PTPRU: variants seen among roughly 807,000 people sequenced by gnomAD.
PTPRU encodes the protein receptor-type tyrosine-protein phosphatase U.
PTPRU carries 69 observed loss-of-function variants against 166.3 expected under a neutral mutation model. The observed-to-expected ratio is 0.41, with a 90% CI of 0.34 to 0.51. The LOEUF (loss-of-function observed/expected upper bound fraction) is 0.51, where lower values mean the gene tolerates loss of function less well. Ranked by LOEUF, PTPRU falls within the 20% of genes least tolerant of loss-of-function variation. PTPRU has a pLI of 0.09. For synonymous variants in PTPRU, 793 were observed against 814.0 expected (o/e 0.97, Z 0.44); for missense variants, 1,657 against 2,013.7 (o/e 0.82, Z 3.39).
chr1:29,282,381 C>T (rs1246232933), intron 11 of PTPRU, among the ~76,000 whole-genome samples: 2 of 152,184 alleles, frequency 1.3e-5, no homozygotes, highest in African/African-American at 2.4e-5. Flanking sequence ...GCAGGGTCCA[C>T]GATCCTCTTA....
intron 12 of PTPRU, 41 bp downstream of exon 12, chr1:29,282,990 T>C: frequency 6.3e-7 from 1 of 1,599,560 alleles, no homozygotes; most frequent in Non-Finnish European, 8.5e-7. Flanking sequence ...TGGTTGGGTG[T>C]GGGGGGATGG....
chr1:29,263,159 A>G (rs1444892786), intron 7 of PTPRU, among the ~76,000 whole-genome samples: 1 of 151,924 alleles, frequency 6.6e-6, no homozygotes, highest in Non-Finnish European at 1.5e-5. Context: ...TAATTTTCGT[A>G]TTTTTAGTAG....
rs557988451 is a variant in PTPRU at position 29,259,314 on chromosome 1, T to A, written c.531T>A (p.Asp177Glu). Residue 177 changes from aspartate to glutamate, a missense_variant, in exon 4 of 30, where the codon GAT becomes GAA. By Grantham distance (45) the Asp-to-Glu change is conservative. This residue lies in a region of PTPRU where 453 missense variants were observed against 496.9 expected (regional missense o/e 0.91). Coordinates refer to ENST00000373779, the MANE Select transcript of PTPRU (RefSeq NM_133178.4). ...SPDRRGYMGL[D>E]DILLLSYPCA... ...ACCGCAGGGGCTACATGGGCCTAGA[T>A]GACATCCTGCTTCTCAGCTACCCCT... 1 of 1,614,094 alleles carries A rather than the reference T, an allele frequency of 6.2e-7. No homozygotes were observed. Among genetic ancestry groups the A allele is most frequent in the Non-Finnish European group, 8.5e-7 (1 of 1,179,990 alleles).
rs1413074566 is a variant in PTPRU at position 29,236,552 on chromosome 1, CGGCTCGGGCTCCGGCTCGCCTCGGGCTG to C, written c.-78_-51del. 1.4e-5 allele frequency: 14 copies of C among 1,003,990 alleles called. No individual in the cohort carries two copies. The highest frequency in any genetic ancestry group is 3.5e-5 in the African/African-American group (2 of 57,942). 62.2% of individuals were successfully genotyped at this position (1,003,990 alleles called of 1,614,324 possible). A position where few individuals can be genotyped will look rare whatever the true frequency, so the allele number is the denominator to read the frequency against. ...CGCTCCGCGCCGCGCCGCTCCGCTCCGGCTCGGGCTCCGGCTCGCCTCGGGCTGGGCTCGGGCTCCGGGGGCGGCGTCC... is the reference window on the plus strand; with the variant it reads ...CGCTCCGCGCCGCGCCGCTCCGCTCCGGCTCGGGCTCCGGGGGCGGCGTCC... On this transcript the variant is annotated 5_prime_UTR_variant, in exon 1 of 30. Transcript: ENST00000373779. This position sits in a 1 kb window ranked among gnomAD's most constrained non-coding sequence, Gnocchi z 4.6.
In PTPRU at chr1:29,239,870, A is replaced by G. The variant is rs558487182; in HGVS notation, c.73+3153A>G. Among the ~76,000 whole-genome samples the G allele has an allele frequency of 6.0e-4, 91 of 152,178 alleles. 1 individual carries two copies. The highest frequency in any genetic ancestry group is 2.1e-3 in the African/African-American group (86 of 41,510). On this transcript the variant is annotated intron_variant, in intron 1 of 29. Transcript: ENST00000373779. ...GGTGCCAGGGATCTTTGTAAAGTAC[A>G]TTTTAACTCAAAGGGTTTAAAACCC... is the stretch of plus-strand genomic sequence containing the variant.
chr1:29,241,580 TTTC>T (rs369661546), intron 1 of PTPRU, among the ~76,000 whole-genome samples: 14,661 of 148,958 alleles, frequency 0.098, 904 homozygotes, highest in African/African-American at 0.18. Flanking sequence ...ATTTTTTTTT[TTTC>T]TTCTTCTTCT....
At chr1:29,259,169 CAG>C in intron 3 of PTPRU, 90 bp from the exon 4 acceptor site, 2 of 1,347,168 alleles carry the variant, frequency 1.5e-6, no homozygotes, top group Non-Finnish European at 2.1e-6. Context: ...CTAGTTGAGG[CAG>C]AGGAGGCTGA....
rs1686616609 is a variant in PTPRU, at chr1:29,291,273, T to C, written c.2319-596T>C. Among the ~76,000 whole-genome samples the C allele has an allele frequency of 2.0e-5, 3 of 152,128 alleles. No individual in the cohort carries two copies. Among genetic ancestry groups the C allele is most frequent in the Admixed American group, 2.0e-4 (3 of 15,278 alleles). ...ATGCTGGGACCATCCTAGGTGCTACTGGGAGTAGGGAGAAGCCAAGGGTGG... is the reference window on the plus strand; with the variant it reads ...ATGCTGGGACCATCCTAGGTGCTACCGGGAGTAGGGAGAAGCCAAGGGTGG... On this transcript the variant is annotated intron_variant, in intron 14 of 29. Coordinates refer to ENST00000373779, the MANE Select transcript of PTPRU (RefSeq NM_133178.4). The surrounding 1 kb of genome is among the most constrained non-coding windows in gnomAD (Gnocchi z 4.1).
At chr1:29,297,010 A>C (rs1686914119) in intron 15 of PTPRU, among the ~76,000 whole-genome samples, 1 of 149,844 alleles carries the variant, frequency 6.7e-6, no homozygotes, top group African/African-American at 2.4e-5. Flanking sequence ...CTCTCTTATT[A>C]AATTTTCACC....
chr1:29,305,469 C>T, intron 18 of PTPRU, 41 bp downstream of exon 18: 1 of 1,581,848 alleles, frequency 6.3e-7, no homozygotes. Flanking sequence ...CCTGGCCCTG[C>T]CCGCTCCAGG....
intron 27 of PTPRU, 64 bp from the exon 28 acceptor site, chr1:29,323,567 G>A (rs1455823332): frequency 1.3e-5 from 21 of 1,611,588 alleles, no homozygotes; most frequent in East Asian, 2.2e-5. Flanking sequence ...GACCCTCTGT[G>A]TCATCAGGGG....
At position 29,317,726 on chromosome 1, in the gene PTPRU, T is replaced by C. The variant is rs1687962506; in HGVS notation, c.3514-22T>C. ...AGCAAGCCCTGGACGTAACTCTCTGTCCCCACCCCCGCTCCCTGTAGACGC... is the reference window on the plus strand; with the variant it reads ...AGCAAGCCCTGGACGTAACTCTCTGCCCCCACCCCCGCTCCCTGTAGACGC... On this transcript the variant is annotated intron_variant, in intron 24 of 29. Transcript: ENST00000373779. This position sits in a 1 kb window ranked among gnomAD's most constrained non-coding sequence, Gnocchi z 5.6. 6.3e-7 allele frequency: 1 copy of C among 1,588,968 alleles called. No individual in the cohort carries two copies. The highest frequency in any genetic ancestry group is 2.2e-5 in the East Asian group (1 of 44,654).
At position 29,320,967 on chromosome 1, in the gene PTPRU, C is replaced by A; in HGVS notation, c.3828+142C>A. On this transcript the variant is annotated intron_variant, in intron 26 of 29. Coordinates refer to ENST00000373779, the MANE Select transcript of PTPRU (RefSeq NM_133178.4). The surrounding 1 kb of genome is among the most constrained non-coding windows in gnomAD (Gnocchi z 5.2). ...TGATGAATCATACACCTTCCCAGAG[C>A]CTCAGTTTCTTCATCTGTAAAACAA... is the stretch of plus-strand genomic sequence containing the variant. 2 of 963,744 alleles carry A rather than the reference C, an allele frequency of 2.1e-6. No homozygotes were observed. The highest frequency in any genetic ancestry group is 1.4e-6 in the Non-Finnish European group (1 of 705,664). 59.7% of individuals were successfully genotyped at this position (963,744 alleles called of 1,614,324 possible). A position where few individuals can be genotyped will look rare whatever the true frequency, so the allele number is the denominator to read the frequency against.
chr1:29,324,166 A>C (rs1688297016), intron 28 of PTPRU, among the ~76,000 whole-genome samples: 1 of 151,934 alleles, frequency 6.6e-6, no homozygotes, highest in South Asian at 2.1e-4. Context: ...CCATCCATCC[A>C]CCCATCCATC....
intron 12 of PTPRU, among the ~76,000 whole-genome samples, chr1:29,283,381 C>T (rs2151954286): frequency 6.7e-6 from 1 of 149,256 alleles, no homozygotes. Context: ...CAGGCTCCTT[C>T]CCACAGAGCA....
In PTPRU at chr1:29,238,973, C is replaced by G. The variant is rs1683913871; in HGVS notation, c.73+2256C>G. ...TGGCACTTTTGGTAGATACCAAGTA[C>G]CTTGTAAAGTAAGGCTCTGTCTGTG... is the stretch of plus-strand genomic sequence containing the variant. On this transcript the variant is annotated intron_variant, in intron 1 of 29. Transcript: ENST00000373779. The surrounding 1 kb of genome is among the most constrained non-coding windows in gnomAD (Gnocchi z 6.1). Among the ~76,000 whole-genome samples the G allele has an allele frequency of 6.6e-6, 1 of 152,132 alleles. No homozygotes were observed. Among genetic ancestry groups the G allele is most frequent in the Non-Finnish European group, 1.5e-5 (1 of 68,040 alleles).
Position 29,260,579 on chromosome 1 carries a change from TC to T in PTPRU, c.851-29del. ...TGCTGGGGTCTCACAGCAGCATCGG[TC>T]CGCCTCGCCTCTCCCCCATCTCCTC... On this transcript the variant is annotated intron_variant, in intron 6 of 29. Coordinates refer to ENST00000373779, the MANE Select transcript of PTPRU (RefSeq NM_133178.4). The surrounding 1 kb of genome is among the most constrained non-coding windows in gnomAD (Gnocchi z 8.3). 1.4e-6 allele frequency: 2 copies of T among 1,468,164 alleles called. No individual in the cohort carries two copies. The highest frequency in any genetic ancestry group is 1.8e-6 in the Non-Finnish European group (2 of 1,104,516). The allele number at this position is 1,468,164 out of a possible 1,614,324, so 90.9% of individuals were successfully genotyped here. A position where few individuals can be genotyped will look rare whatever the true frequency, so the allele number is the denominator to read the frequency against.
chr1:29,245,671 ATCCTGCCATGG>A (rs113242422), intron 1 of PTPRU, among the ~76,000 whole-genome samples: 40,762 of 151,826 alleles, frequency 0.27, 6,783 homozygotes, highest in African/African-American at 0.46. Context: ...TCCTGCCATG[ATCCTGCCATGG>A]TCCTGCCATG....
chr1:29,246,572 C>T (rs939713063), intron 1 of PTPRU, among the ~76,000 whole-genome samples: 9 of 152,190 alleles, frequency 5.9e-5, no homozygotes, highest in South Asian at 2.1e-4. Flanking sequence ...TACCGGATTG[C>T]GGGACCCAGA....
Sources: gnomAD v4.1 joint callset for allele counts (sites outside exome capture counted in the v4.1 genomes callset) on GRCh38, gnomAD v4.1.1 for gene constraint, gnomAD v4.1.1 regional missense constraint, Gnocchi (gnomAD v3.1) non-coding constraint, MANE v1.5 for transcripts, NCBI Gene and HGNC (gene_info 2026-07-23, HGNC 2026-07-21) for gene names.